Variants in CD99L2 observed in about 807,000 individuals in gnomAD.
CD99L2 encodes CD99 molecule like 2, also known as CD99 antigen-like protein 2.
In CD99L2, 24 loss-of-function variants were observed where a neutral mutation model predicts 27.3. That is an observed-to-expected ratio of 0.88 (90% CI 0.64 to 1.24). The LOEUF (loss-of-function observed/expected upper bound fraction) is 1.24. Ranked by LOEUF, CD99L2 falls within the 50% of genes most tolerant of loss-of-function variation. The pLI is 0.00. For synonymous variants in CD99L2, 97 were observed against 87.9 expected (o/e 1.10, Z -0.58); for missense variants, 255 against 221.6 (o/e 1.15, Z -0.96).
chrX:150,896,289 T>C (rs1415837493), intron 1 of CD99L2, among the ~76,000 whole-genome samples: 8 of 111,185 alleles, frequency 7.2e-5, no homozygotes, highest in Admixed American at 3.8e-4. Context: ...TCCCAGCTAC[T>C]TGGGAGCCTG....
At chrX:150,831,981 T>C (rs1222840728) in intron 1 of CD99L2, among the ~76,000 whole-genome samples, 1 of 112,045 alleles carries the variant, frequency 8.9e-6, no homozygotes. Context: ...ACTTTCAACA[T>C]TGAACAGATC....
At chrX:150,779,643 C>A (rs954920690) in intron 7 of CD99L2, among the ~76,000 whole-genome samples, 1 of 112,261 alleles carries the variant, frequency 8.9e-6, no homozygotes, top group African/African-American at 3.2e-5. Context: ...GCACACTGTG[C>A]AAAAGATGGT....
At chrX:150,815,455 G>A (rs1265371158) in intron 3 of CD99L2, among the ~76,000 whole-genome samples, 3 of 111,878 alleles carry the variant, frequency 2.7e-5, no homozygotes, top group Non-Finnish European at 5.6e-5. Context: ...TCATGCCCCC[G>A]ACTACTGGTA....
At chrX:150,878,082 A>AATCC (rs2047262151) in intron 1 of CD99L2, among the ~76,000 whole-genome samples, 1 of 109,916 alleles carries the variant, frequency 9.1e-6, no homozygotes, top group Non-Finnish European at 1.9e-5. Flanking sequence ...TCACGCTTGT[A>AATCC]ATCCCAGCAC....
At chrX:150,862,258 CTT>C (rs1302141198) in intron 1 of CD99L2, among the ~76,000 whole-genome samples, 2 of 112,040 alleles carry the variant, frequency 1.8e-5, no homozygotes, top group Non-Finnish European at 3.8e-5. Flanking sequence ...GCCTGTGACT[CTT>C]GTCACTTTAT....
intron 2 of CD99L2, chrX:150,829,356 GGAGA>G (rs1208713930): frequency 6.1e-6 from 2 of 327,416 alleles, no homozygotes; most frequent in Non-Finnish European, 1.2e-5. Flanking sequence ...GTAAGAGAAA[GGAGA>G]GAGACACAGA....
At chrX:150,806,444 C>T (rs782272242) in intron 4 of CD99L2, among the ~76,000 whole-genome samples, 2 of 111,541 alleles carry the variant, frequency 1.8e-5, no homozygotes, top group East Asian at 2.8e-4. Context: ...TCTGTAGAGA[C>T]GGGGTCTTGC....
At chrX:150,802,701 C>T (rs2045929721) in intron 4 of CD99L2, among the ~76,000 whole-genome samples, 1 of 101,411 alleles carries the variant, frequency 9.9e-6, no homozygotes, top group Non-Finnish European at 2.0e-5. Context: ...CCTGCCTCAG[C>T]CTCCTGAGTC....
chrX:150,784,148 T>C (rs1448452580), intron 7 of CD99L2, among the ~76,000 whole-genome samples: 1 of 110,952 alleles, frequency 9.0e-6, no homozygotes, highest in Non-Finnish European at 1.9e-5. Flanking sequence ...AAATGGCCTC[T>C]TTCCCCAGCC....
At chrX:150,770,030 G>C (rs1002074233) in intron 10 of CD99L2, among the ~76,000 whole-genome samples, 1 of 112,979 alleles carries the variant, frequency 8.9e-6, no homozygotes, top group African/African-American at 3.2e-5. Flanking sequence ...GAGGTGCCTG[G>C]GGCTCTGGCT....
intron 1 of CD99L2, among the ~76,000 whole-genome samples, chrX:150,846,752 C>A (rs2046709428): frequency 9.0e-6 from 1 of 111,384 alleles, no homozygotes; most frequent in African/African-American, 3.3e-5. Flanking sequence ...GCTTGATAAG[C>A]CTTTAGATTC....
chrX:150,772,123 C>T (rs2043467793), intron 9 of CD99L2, among the ~76,000 whole-genome samples: 1 of 111,637 alleles, frequency 9.0e-6, no homozygotes, highest in Non-Finnish European at 1.9e-5. Flanking sequence ...AGGCCCAACC[C>T]CCAGCTTCTC....
chrX:150,857,490 G>A (rs1557421794), intron 1 of CD99L2, among the ~76,000 whole-genome samples: 2 of 110,903 alleles, frequency 1.8e-5, no homozygotes, highest in Admixed American at 9.6e-5. Context: ...TGCCATCCAA[G>A]GATACTATCC....
chrX:150,850,996 C>T (rs1247749091), intron 1 of CD99L2, among the ~76,000 whole-genome samples: 3 of 111,267 alleles, frequency 2.7e-5, no homozygotes, highest in Admixed American at 9.5e-5. Flanking sequence ...TGCCACGGCA[C>T]GCGGCTAATT....
At chrX:150,856,850 TCAAAA>T (rs2046898250) in intron 1 of CD99L2, among the ~76,000 whole-genome samples, 1 of 108,674 alleles carries the variant, frequency 9.2e-6, no homozygotes, top group Non-Finnish European at 1.9e-5. Flanking sequence ...ATTCCAAAAA[TCAAAA>T]CAAAGAAATC....
At chrX:150,796,468 G>C (rs782573400) in intron 4 of CD99L2, among the ~76,000 whole-genome samples, 1 of 112,635 alleles carries the variant, frequency 8.9e-6, no homozygotes, top group Admixed American at 9.4e-5. Flanking sequence ...CTGAATGTGT[G>C]TGCACCTAAC....
intron 1 of CD99L2, among the ~76,000 whole-genome samples, chrX:150,863,999 A>G (rs376545504): frequency 1.9e-4 from 21 of 111,952 alleles, no homozygotes; most frequent in African/African-American, 6.2e-4. Context: ...CCTTGATCTC[A>G]GACTTCTAGC....
At chrX:150,778,209 AGACAGCTACTCCCT>A (rs1313084891) in intron 7 of CD99L2, among the ~76,000 whole-genome samples, 1 of 110,332 alleles carries the variant, frequency 9.1e-6, no homozygotes, top group Non-Finnish European at 1.9e-5. Context: ...CCCCTTCCAC[AGACAGCTACTCCCT>A]GACAAGCCAC....
chrX:150,898,651 GC>G lies in CD99L2; in HGVS notation c.-64del. 2.0e-6 allele frequency: 2 copies of G among 1,000,823 alleles called. No homozygotes were observed. The highest frequency in any genetic ancestry group is 2.6e-6 in the Non-Finnish European group (2 of 769,078). 82.5% of individuals were successfully genotyped at this position (1,000,823 alleles called of 1,213,427 possible). On this transcript the variant is annotated 5_prime_UTR_variant, in exon 1 of 11. Coordinates refer to ENST00000370377, the MANE Select transcript of CD99L2 (RefSeq NM_031462.4). ...TAGCGCGAGAGCGCCCGAAGGGGAG[GC>G]CGAGGAGGAGCGGGAGGAGGAGCCC...
Sources: gnomAD v4.1 joint callset for allele counts (sites outside exome capture counted in the v4.1 genomes callset) on GRCh38, gnomAD v4.1.1 for gene constraint, MANE v1.5 for transcripts, NCBI Gene and HGNC (gene_info 2026-07-23, HGNC 2026-07-21) for gene names.